MTFR1: variants seen among roughly 807,000 people sequenced by gnomAD.
The protein encoded by MTFR1 is chondrocyte protein with a poly-proline region.
A neutral mutation model predicts 38.8 loss-of-function variants in MTFR1; 28 were observed. The ratio of observed to expected loss-of-function variants is 0.72; its 90% CI spans 0.53 to 0.99. The LOEUF is 0.99. Ranked by LOEUF, MTFR1 falls within the 50% of genes least tolerant of loss-of-function variation. The pLI is 0.00. For missense variants in MTFR1, 358 were observed against 395.5 expected, an observed-to-expected ratio of 0.91 and a Z score of 0.81; for synonymous variants, 145 against 137.0, an observed-to-expected ratio of 1.06 and a Z score of -0.41.
chr8:65,769,656 G>A (rs1412235951), intron 3 of MTFR1, among the ~76,000 whole-genome samples: 1 of 152,110 alleles, frequency 6.6e-6, no homozygotes, highest in Admixed American at 6.5e-5. Context: ...AGCACTTTGG[G>A]AGGCTGACGC....
At chr8:65,733,547 G>T (rs1305858280) in intron 3 of MTFR1, among the ~76,000 whole-genome samples, 1 of 151,936 alleles carries the variant, frequency 6.6e-6, no homozygotes, top group African/African-American at 2.4e-5. Flanking sequence ...TTGAGCCCAG[G>T]ATGTCGAGGC....
chr8:65,692,347 T>G (rs150710065), intron 3 of MTFR1, among the ~76,000 whole-genome samples: 1 of 152,240 alleles, frequency 6.6e-6, no homozygotes. Context: ...TTGTCTTTTC[T>G]TTTTCTTTTT....
At chr8:65,741,309 T>C (rs757917617) in intron 3 of MTFR1, among the ~76,000 whole-genome samples, 36 of 152,214 alleles carry the variant, frequency 2.4e-4, no homozygotes, top group Non-Finnish European at 2.1e-4. Context: ...TTCTCTCGTC[T>C]ATGATGACTC....
At chr8:65,723,602 A>T (rs1259081903) in intron 3 of MTFR1, 2 of 1,574,028 alleles carry the variant, frequency 1.3e-6, no homozygotes, top group East Asian at 2.3e-5. Flanking sequence ...CACCCAAATG[A>T]TATTTTTTTT....
At chr8:65,732,127 T>C (rs745846884) in intron 3 of MTFR1, among the ~76,000 whole-genome samples, 4 of 152,054 alleles carry the variant, frequency 2.6e-5, no homozygotes, top group Non-Finnish European at 4.4e-5. Context: ...GCCTCCCAGG[T>C]AGCTGGGATT....
chr8:65,693,508 AC>A lies in MTFR1; in HGVS notation c.166-134del. On this transcript the variant is annotated intron_variant, in intron 3 of 7. Coordinates refer to ENST00000262146, the MANE Select transcript of MTFR1 (RefSeq NM_014637.4). ...ATGATTATGACTATTAATCATGGAGACCTTCAGTGGAAGAGTTAGAAACCAC... is the reference window on the plus strand; with the variant it reads ...ATGATTATGACTATTAATCATGGAGACTTCAGTGGAAGAGTTAGAAACCAC... 3 of 639,456 alleles carry A rather than the reference AC, an allele frequency of 4.7e-6. No homozygotes were observed. In the South Asian group the frequency reaches 5.8e-5, roughly 12 times the overall value. 39.6% of individuals were successfully genotyped at this position (639,456 alleles called of 1,614,324 possible).
Position 65,693,626 on chromosome 8 carries a change from C to T in MTFR1, c.166-18C>T, listed in dbSNP as rs754606577. The stretch of plus-strand genomic sequence containing the variant: ...GTGCCATCTTTGGTGAAGAACTTTC[C>T]CTATTTATAACTTACAGATTAACAG... On this transcript the variant is annotated intron_variant, in intron 3 of 7. Transcript: ENST00000262146. 6.2e-7 allele frequency: 1 copy of T among 1,604,532 alleles called. No individual in the cohort carries two copies. The highest frequency in any genetic ancestry group is 1.1e-5 in the South Asian group (1 of 90,526).
At chr8:65,694,092 T>C (rs1038729620) in intron 4 of MTFR1, among the ~76,000 whole-genome samples, 1 of 150,180 alleles carries the variant, frequency 6.7e-6, no homozygotes, top group African/African-American at 2.4e-5. Context: ...TTTTTTTTTT[T>C]TAGATAGAGT....
chr8:65,666,071 G>A (rs970207005), intron 1 of MTFR1, among the ~76,000 whole-genome samples: 3 of 152,148 alleles, frequency 2.0e-5, no homozygotes, highest in Non-Finnish European at 2.9e-5. Context: ...GAATATAAAC[G>A]TGTTGAAAGT....
At chr8:65,746,084 C>T (rs1376988639) in intron 3 of MTFR1, among the ~76,000 whole-genome samples, 2 of 151,398 alleles carry the variant, frequency 1.3e-5, no homozygotes, top group Admixed American at 6.6e-5. Flanking sequence ...GCATGTGTTA[C>T]CATACCTGGC....
chr8:65,675,655 A>C (rs183283998), intron 2 of MTFR1, among the ~76,000 whole-genome samples: 34 of 152,298 alleles, frequency 2.2e-4, no homozygotes, highest in Admixed American at 7.2e-4. Flanking sequence ...TTTAATGCTC[A>C]TAGGCTCATG....
chr8:65,748,916 A>G (rs931231927), intron 3 of MTFR1, among the ~76,000 whole-genome samples: 8 of 152,232 alleles, frequency 5.3e-5, no homozygotes, highest in African/African-American at 1.9e-4. Flanking sequence ...AGTAATTATC[A>G]GAAATTCTGA....
chr8:65,748,092 G>A (rs1193183386), intron 3 of MTFR1, among the ~76,000 whole-genome samples: 2 of 147,244 alleles, frequency 1.4e-5, no homozygotes, highest in Non-Finnish European at 1.5e-5. Flanking sequence ...TAATAATCAC[G>A]GTTTGTTTTT....
intron 1 of MTFR1, among the ~76,000 whole-genome samples, chr8:65,651,465 A>G (rs749370213): frequency 5.3e-5 from 8 of 152,072 alleles, no homozygotes; most frequent in Non-Finnish European, 1.2e-4. Flanking sequence ...ATCCATTTTG[A>G]TTTGATTTTT....
chr8:65,648,872 G>T (rs910409893), intron 1 of MTFR1, among the ~76,000 whole-genome samples: 1 of 152,160 alleles, frequency 6.6e-6, no homozygotes, highest in East Asian at 1.9e-4. Context: ...TGCCAGGTTG[G>T]AGTGCAGTGA....
chr8:65,739,275 C>T (rs957169166), intron 3 of MTFR1, among the ~76,000 whole-genome samples: 5 of 152,188 alleles, frequency 3.3e-5, no homozygotes, highest in Non-Finnish European at 5.9e-5. Context: ...ATGCAGCCCA[C>T]CTGTTGCTGT....
intron 1 of MTFR1, among the ~76,000 whole-genome samples, chr8:65,658,892 C>T (rs567144543): frequency 2.6e-5 from 4 of 152,208 alleles, no homozygotes; most frequent in African/African-American, 4.8e-5. Flanking sequence ...TGACAGGAAA[C>T]AGCACTGATG....
intron 3 of MTFR1, among the ~76,000 whole-genome samples, chr8:65,731,977 A>ATTATTATTATTGTTG (rs1369479411): frequency 4.0e-5 from 6 of 151,530 alleles, no homozygotes; most frequent in Non-Finnish European, 7.4e-5. Context: ...TATTATTATT[A>ATTATTATTATTGTTG]TTATTATTAT....
intron 4 of MTFR1, among the ~76,000 whole-genome samples, chr8:65,695,419 C>T (rs995455487): frequency 7.9e-5 from 12 of 151,834 alleles, no homozygotes; most frequent in African/African-American, 2.4e-4. Context: ...TGCAGTGGTG[C>T]GATCTGGGCT....
Sources: gnomAD v4.1 joint callset for allele counts (sites outside exome capture counted in the v4.1 genomes callset) on GRCh38, gnomAD v4.1.1 for gene constraint, MANE v1.5 for transcripts, NCBI Gene and HGNC (gene_info 2026-07-23, HGNC 2026-07-21) for gene names.